Variants in KIRREL1 observed in about 807,000 individuals in gnomAD.
KIRREL1 encodes kirre like nephrin family adhesion molecule 1, also known as kin of IRRE-like protein 1.
In KIRREL1, 25 loss-of-function variants were observed where a neutral mutation model predicts 83.3. That is an observed-to-expected ratio of 0.30 (90% CI 0.22 to 0.42). KIRREL1 has a LOEUF of 0.42. Among genes scored for constraint, KIRREL1 ranks in the 10% least tolerant of loss-of-function variants. The probability of loss-of-function intolerance (pLI) is 1.00; values close to 1 mark genes in which losing one functional copy is unlikely to be tolerated. For missense variants in KIRREL1, 812 were observed against 1,032.3 expected, an observed-to-expected ratio of 0.79 and a Z score of 2.92; for synonymous variants, 388 against 410.4, an observed-to-expected ratio of 0.95 and a Z score of 0.66.
At chr1:157,994,850 T>A (rs1369289730) in intron 1 of KIRREL1, among the ~76,000 whole-genome samples, 1 of 152,008 alleles carries the variant, frequency 6.6e-6, no homozygotes, top group Non-Finnish European at 1.5e-5. Context: ...CACGGAGACA[T>A]CTGAGGAAGA....
intron 1 of KIRREL1, among the ~76,000 whole-genome samples, 155 bp downstream of exon 1, chr1:157,993,883 T>A (rs1039029382): frequency 2.0e-5 from 3 of 151,740 alleles, no homozygotes; most frequent in African/African-American, 7.3e-5. Context: ...CGCAGAGCCC[T>A]GGGGGAGGGG....
chr1:157,998,769 C>A (rs928115937), intron 1 of KIRREL1, among the ~76,000 whole-genome samples: 2 of 152,218 alleles, frequency 1.3e-5, no homozygotes, highest in Admixed American at 6.5e-5. Flanking sequence ...GCTTTCAACC[C>A]TCCTTCTTAG....
chr1:158,091,654 T>C lies in KIRREL1; in HGVS notation c.1471+98T>C, dbSNP rs945180619. 5 of 1,180,942 alleles carry C rather than the reference T, an allele frequency of 4.2e-6. No individual in the cohort carries two copies. The East Asian group carries it at 1.2e-4, about 28-fold the overall frequency. The allele number at this position is 1,180,942 out of a possible 1,614,324, so 73.2% of individuals were successfully genotyped here. A position where few individuals can be genotyped will look rare whatever the true frequency, so the allele number is the denominator to read the frequency against. On this transcript the variant is annotated intron_variant, in intron 11 of 14. Transcript: ENST00000359209. The stretch of plus-strand genomic sequence containing the variant: ...GCAGGGCTCAGCTGCTCCCCTTCCC[T>C]TGGGCTCTGCTCTGAGGGAGGGGAC...
At chr1:158,034,876 C>T (rs1660432060) in intron 1 of KIRREL1, among the ~76,000 whole-genome samples, 1 of 152,168 alleles carries the variant, frequency 6.6e-6, no homozygotes, top group Non-Finnish European at 1.5e-5. Context: ...ATTTCTCATG[C>T]TACCAGATAT....
At chr1:158,069,302 T>TTGTG (rs57076623) in intron 1 of KIRREL1, among the ~76,000 whole-genome samples, 11,894 of 143,200 alleles carry the variant, frequency 0.083, 505 homozygotes, top group Middle Eastern at 0.11. Flanking sequence ...TATGACGTAC[T>TTGTG]TGTGTGTGTG....
At chr1:158,045,851 G>C (rs967125693) in intron 1 of KIRREL1, among the ~76,000 whole-genome samples, 11 of 152,162 alleles carry the variant, frequency 7.2e-5, no homozygotes, top group Non-Finnish European at 1.0e-4. Context: ...ATAAACCCCA[G>C]TGTGCAATGA....
chr1:158,093,366 G>A lies in KIRREL1; in HGVS notation c.1499G>A (p.Gly500Glu). The A allele has an allele frequency of 6.2e-7, 1 of 1,614,196 alleles. No individual in the cohort carries two copies. Among genetic ancestry groups the A allele is most frequent in the South Asian group, 1.1e-5 (1 of 91,076 alleles). Residue 500 changes from glycine (G) to glutamate (E), a missense_variant, in exon 12 of 15, where the codon GGG (glycine) becomes GAG (glutamate). This residue lies in a region of KIRREL1 where 334 missense variants were observed against 383.7 expected (regional missense o/e 0.87). Coordinates refer to ENST00000359209, the MANE Select transcript of KIRREL1 (RefSeq NM_018240.7). ...REVLPVGIIA[G>E]ATIGASILLI... The stretch of plus-strand genomic sequence containing the variant: ...GTGTTACCTGTGGGCATCATAGCTG[G>A]GGCCACCATCGGCGCGAGCATCCTG...
At chr1:158,034,044 C>T (rs1660402112) in intron 1 of KIRREL1, among the ~76,000 whole-genome samples, 2 of 151,514 alleles carry the variant, frequency 1.3e-5, no homozygotes, top group African/African-American at 4.8e-5. Flanking sequence ...GAGGCCGAGG[C>T]GGGCGGATCA....
intron 1 of KIRREL1, among the ~76,000 whole-genome samples, chr1:158,042,017 G>A (rs1428429306): frequency 1.3e-5 from 2 of 152,176 alleles, no homozygotes; most frequent in Non-Finnish European, 1.5e-5. Flanking sequence ...CAGAGAACTT[G>A]CTACATTGCC....
At chr1:158,076,067 C>G in intron 1 of KIRREL1, 46 bp from the exon 2 acceptor site, 1 of 1,573,634 alleles carries the variant, frequency 6.4e-7, no homozygotes, top group Non-Finnish European at 8.6e-7. Context: ...CTTAGAGGAG[C>G]CCCTCTCCTT....
intron 1 of KIRREL1, among the ~76,000 whole-genome samples, chr1:158,027,302 T>G (rs1216000002): frequency 6.6e-6 from 1 of 152,232 alleles, no homozygotes; most frequent in Non-Finnish European, 1.5e-5. Flanking sequence ...AATGTGGAGC[T>G]TCCATGCCTT....
intron 1 of KIRREL1, among the ~76,000 whole-genome samples, chr1:158,059,636 G>A (rs1362060711): frequency 6.6e-6 from 1 of 152,126 alleles, no homozygotes; most frequent in Non-Finnish European, 1.5e-5. Flanking sequence ...ATTAGGGTAG[G>A]GAATACTCAC....
At chr1:158,046,995 T>G (rs907027111) in intron 1 of KIRREL1, among the ~76,000 whole-genome samples, 1 of 152,096 alleles carries the variant, frequency 6.6e-6, no homozygotes, top group South Asian at 2.1e-4. Flanking sequence ...AACAACAGGT[T>G]AAGAAACTAG....
chr1:158,076,286 C>T lies in KIRREL1; in HGVS notation c.202+24C>T, dbSNP rs772012319. ...AGGTGAGTGCCTGGCTACCCAACGT[C>T]CAAACTGTCCCATCTTCTCCGCCAT... On this transcript the variant is annotated intron_variant, in intron 2 of 14. Coordinates refer to ENST00000359209, the MANE Select transcript of KIRREL1 (RefSeq NM_018240.7). 3 of 1,609,702 alleles carry T rather than the reference C, an allele frequency of 1.9e-6. No individual in the cohort carries two copies. In the Admixed American group the frequency reaches 5.0e-5, roughly 27 times the overall value.
intron 1 of KIRREL1, among the ~76,000 whole-genome samples, chr1:158,052,518 G>A (rs1213208594): frequency 1.3e-5 from 2 of 151,970 alleles, no homozygotes; most frequent in African/African-American, 2.4e-5. Context: ...GGTGGCTCAC[G>A]CCTGTAATCC....
In KIRREL1 at chr1:158,091,397, C is replaced by G; in HGVS notation, c.1312C>G (p.Leu438Val). 2 of 1,614,162 alleles carry G rather than the reference C, an allele frequency of 1.2e-6. No homozygotes were observed. The highest frequency in any genetic ancestry group is 8.5e-7 in the Non-Finnish European group (1 of 1,180,026). Residue 438 changes from leucine (L) to valine (V), a missense_variant, in exon 11 of 15, where the codon CTG (leucine) becomes GTG (valine). Physicochemically the swap from Leu to Val is conservative, Grantham distance 32. Transcript: ENST00000359209. ...GGAGAACTTCTTGGAGGTGGGGACC[C>G]TGGAACGCTATACAGTGGAGAGGAC... Reference protein sequence around the residue: ...WKENFLEVGTLERYTVERTNS... With the variant: ...WKENFLEVGTVERYTVERTNS...
At position 158,081,091 on chromosome 1, in the gene KIRREL1, G is replaced by T. The variant is rs543351853; in HGVS notation, c.352+2951G>T. Among the ~76,000 whole-genome samples, 11 of 142,016 alleles carry T rather than the reference G, an allele frequency of 7.7e-5. 2 individuals carry two copies. The highest frequency in any genetic ancestry group is 2.3e-4 in the South Asian group (1 of 4,428). 93.2% of individuals were successfully genotyped at this position (142,016 alleles called of 152,430 possible). Reference sequence around the variant, plus strand: ...ATGGCCTCTGTCATTCTTCCTTAGGGTAGGACTTTGAAAAGAAGCCTCCCA... The same window carrying T: ...ATGGCCTCTGTCATTCTTCCTTAGGTTAGGACTTTGAAAAGAAGCCTCCCA... On this transcript the variant is annotated intron_variant, in intron 3 of 14. Coordinates refer to ENST00000359209, the MANE Select transcript of KIRREL1 (RefSeq NM_018240.7).
chr1:158,013,470 T>C (rs980815892), intron 1 of KIRREL1, among the ~76,000 whole-genome samples: 1 of 152,228 alleles, frequency 6.6e-6, no homozygotes, highest in Admixed American at 6.5e-5. Flanking sequence ...AGAACTGTTT[T>C]GGGTTTCAGG....
chr1:158,014,420 C>T (rs963854565), intron 1 of KIRREL1, among the ~76,000 whole-genome samples: 3 of 152,264 alleles, frequency 2.0e-5, no homozygotes, highest in Middle Eastern at 6.8e-3. Context: ...TAACCGGCCG[C>T]AGGTTCCATA....
Sources: gnomAD v4.1 joint callset for allele counts (sites outside exome capture counted in the v4.1 genomes callset) on GRCh38, gnomAD v4.1.1 for gene constraint, gnomAD v4.1.1 regional missense constraint, MANE v1.5 for transcripts, NCBI Gene and HGNC (gene_info 2026-07-23, HGNC 2026-07-21) for gene names.